The following PIWIL4 variants were observed in gnomAD, a reference collection of about 807,000 sequenced individuals.
The protein encoded by PIWIL4 is piwi-like protein 4.
PIWIL4 carries 50 observed loss-of-function variants against 100.9 expected under a neutral mutation model. The ratio of observed to expected loss-of-function variants is 0.50; its 90% confidence interval spans 0.39 to 0.63. The LOEUF is 0.63. Among genes scored for constraint, PIWIL4 ranks in the 20% least tolerant of loss-of-function variants. The pLI is 0.00. For missense variants in PIWIL4, 887 were observed against 1,043.3 expected (o/e 0.85, Z 2.06); for synonymous variants, 342 against 367.5 (o/e 0.93, Z 0.79).
chr11:94,585,857 C>T (rs971029257), intron 6 of PIWIL4, among the ~76,000 whole-genome samples: 2 of 152,124 alleles, frequency 1.3e-5, no homozygotes, highest in Non-Finnish European at 2.9e-5. Context: ...GAGTGGTTGA[C>T]ATGAAATTGG....
chr11:94,620,418 A>G (rs2135310471), intron 19 of PIWIL4, among the ~76,000 whole-genome samples: 1 of 152,334 alleles, frequency 6.6e-6, no homozygotes, highest in East Asian at 1.9e-4. Flanking sequence ...TATCTTATGC[A>G]AACCTGGGAG....
chr11:94,572,713 C>G (rs1356411266), intron 2 of PIWIL4, among the ~76,000 whole-genome samples: 1 of 152,160 alleles, frequency 6.6e-6, no homozygotes, highest in Non-Finnish European at 1.5e-5. Context: ...AATTTGAAGC[C>G]AGGTAGCGTG....
chr11:94,576,529 G>C (rs746069664), intron 3 of PIWIL4, among the ~76,000 whole-genome samples: 2 of 152,088 alleles, frequency 1.3e-5, no homozygotes, highest in Non-Finnish European at 2.9e-5. Flanking sequence ...TTCTACCCTG[G>C]GGGGAGCTTA....
chr11:94,569,919 A>G (rs1948126809), intron 2 of PIWIL4, among the ~76,000 whole-genome samples: 1 of 152,170 alleles, frequency 6.6e-6, no homozygotes, highest in African/African-American at 2.4e-5. Flanking sequence ...CAATATATCC[A>G]TGTAACAAAA....
intron 10 of PIWIL4, among the ~76,000 whole-genome samples, chr11:94,596,418 A>T (rs555358114): frequency 1.3e-5 from 2 of 152,318 alleles, no homozygotes; most frequent in South Asian, 4.1e-4. Context: ...AATTCAATTA[A>T]TATTAGTAAT....
chr11:94,620,629 C>T (rs946895304), intron 19 of PIWIL4, among the ~76,000 whole-genome samples: 3 of 152,132 alleles, frequency 2.0e-5, no homozygotes, highest in Non-Finnish European at 4.4e-5. Context: ...AGGACAAAGA[C>T]TAGTCTGAAG....
chr11:94,595,374 A>C lies in PIWIL4; in HGVS notation c.1216A>C (p.Ser406Arg). The C allele has an allele frequency of 6.2e-7, 1 of 1,614,074 alleles. No homozygotes were observed. The highest frequency in any genetic ancestry group is 8.5e-7 in the Non-Finnish European group (1 of 1,179,918). Residue 406 changes from serine to arginine, a missense_variant, in exon 10 of 20, where the codon AGT becomes CGT. Coordinates refer to ENST00000299001, the MANE Select transcript of PIWIL4 (RefSeq NM_152431.3). ...GGCTGTGGCTGAAAAGACACGTCTC[A>C]GTCCTTCAGGCCGGCAGCAGCGCCT... ...MKAVAEKTRLSPSGRQQRLAR... is the reference protein window; with the variant it reads ...MKAVAEKTRLRPSGRQQRLAR...
chr11:94,580,347 A>G (rs1948295063), intron 4 of PIWIL4, among the ~76,000 whole-genome samples: 1 of 152,184 alleles, frequency 6.6e-6, no homozygotes, highest in Non-Finnish European at 1.5e-5. Context: ...ATCATCCCCT[A>G]CACATGTCCT....
chr11:94,606,751 T>C (rs1368997743), intron 13 of PIWIL4, among the ~76,000 whole-genome samples: 1 of 151,812 alleles, frequency 6.6e-6, no homozygotes, highest in Admixed American at 6.6e-5. Context: ...CAAGAATCGC[T>C]TGACCCCAGG....
chr11:94,581,051 C>T (rs1245672170), intron 4 of PIWIL4, among the ~76,000 whole-genome samples: 1 of 152,068 alleles, frequency 6.6e-6, no homozygotes, highest in Non-Finnish European at 1.5e-5. Flanking sequence ...AGGCACCTGC[C>T]ACCACACCCG....
chr11:94,577,054 C>T (rs1948247158), intron 3 of PIWIL4, among the ~76,000 whole-genome samples: 1 of 152,302 alleles, frequency 6.6e-6, no homozygotes, highest in South Asian at 2.1e-4. Context: ...ATGTCAGTGT[C>T]TGCTCGTATG....
rs1183613076 is a variant in PIWIL4, at chr11:94,614,289, A to AT, written c.1944-2199dup. On this transcript the variant is annotated intron_variant, in intron 15 of 19. Transcript: ENST00000299001. ...TCCCTTGGTTGTGTCATAGTTCCTG[A>AT]TTTTTCTTTTCTTTTTTTTTTTTTT... is the stretch of plus-strand genomic sequence containing the variant. Among the ~76,000 whole-genome samples, 7 of 96,538 alleles carry AT rather than the reference A, an allele frequency of 7.3e-5. No individual in the cohort carries two copies. In the East Asian group the frequency reaches 1.5e-3, roughly 20 times the overall value. The allele number at this position is 96,538 out of a possible 152,430, so 63.3% of individuals were successfully genotyped here. A position where few individuals can be genotyped will look rare whatever the true frequency, so the allele number is the denominator to read the frequency against.
intron 2 of PIWIL4, among the ~76,000 whole-genome samples, chr11:94,574,584 C>T (rs1439539332): frequency 3.3e-5 from 5 of 152,182 alleles, no homozygotes; most frequent in African/African-American, 1.2e-4. Context: ...ACTGCTACCC[C>T]CACCTTCTGG....
chr11:94,593,587 G>A lies in PIWIL4; in HGVS notation c.1096G>A (p.Asp366Asn). 2 of 1,613,974 alleles carry A rather than the reference G, an allele frequency of 1.2e-6. No homozygotes were observed. Among genetic ancestry groups the A allele is most frequent in the African/African-American group, 1.3e-5 (1 of 75,058 alleles). ...LVSLLKKKRN[D>N]NSEAQLAHLI... ...TAGTCTGTTAAAGAAGAAGAGAAAT[G>A]ACAACAGTGAGGCTCAGCTCGCCCA... Residue 366 changes from aspartate (D) to asparagine (N), a missense_variant, in exon 9 of 20, where the codon GAC becomes AAC. By Grantham distance (23) the Asp-to-Asn change is conservative (BLOSUM62 1). This residue lies in a region of PIWIL4 where 741 missense variants were observed against 930.0 expected (regional missense o/e 0.80). Transcript: ENST00000299001.
Position 94,567,388 on chromosome 11 carries a change from GGTT to G in PIWIL4, c.-128_-126del, listed in dbSNP as rs1329249011. 3 of 794,384 alleles carry G rather than the reference GGTT, an allele frequency of 3.8e-6. No individual in the cohort carries two copies. The highest frequency in any genetic ancestry group is 1.7e-5 in the African/African-American group (1 of 57,260). 49.2% of individuals were successfully genotyped at this position (794,384 alleles called of 1,614,324 possible). ...CGGACGCATTTCCAGCCCCGGCGTT[GGTT>G]GTGGATGCTGGACATCCACCGCCTC... is the stretch of plus-strand genomic sequence containing the variant. On this transcript the variant is annotated 5_prime_UTR_variant, in exon 1 of 20. Transcript: ENST00000299001.
Position 94,595,479 on chromosome 11 carries a change from G to A in PIWIL4, c.1268+53G>A, listed in dbSNP as rs1591792558. 5 of 1,357,522 alleles carry A rather than the reference G, an allele frequency of 3.7e-6. No homozygotes were observed. The East Asian group carries it at 1.2e-4, about 31-fold the overall frequency. The allele number at this position is 1,357,522 out of a possible 1,614,324, so 84.1% of individuals were successfully genotyped here. On this transcript the variant is annotated intron_variant, in intron 10 of 19. Coordinates refer to ENST00000299001, the MANE Select transcript of PIWIL4 (RefSeq NM_152431.3). ...TGGGGCTGAGTTTTTAGTATTAGAT[G>A]GCCTATGTAACACTGATATATTCCT...
At chr11:94,611,526 C>A (rs1591803340) in intron 15 of PIWIL4, among the ~76,000 whole-genome samples, 1 of 152,088 alleles carries the variant, frequency 6.6e-6, no homozygotes, top group East Asian at 1.9e-4. Flanking sequence ...CAATAGTAAG[C>A]TTGATTGATA....
chr11:94,616,686 C>T, intron 16 of PIWIL4, 123 bp downstream of exon 16: 1 of 693,236 alleles, frequency 1.4e-6, no homozygotes, highest in Non-Finnish European at 2.4e-6. Flanking sequence ...TGTCAACTGT[C>T]ACCCAGTTGA....
intron 15 of PIWIL4, among the ~76,000 whole-genome samples, chr11:94,610,637 G>A (rs1046377540): frequency 6.6e-6 from 1 of 152,026 alleles, no homozygotes; most frequent in Admixed American, 6.6e-5. Flanking sequence ...CCATTTATAT[G>A]TCATCTTTGG....
Sources: allele counts gnomAD v4.1 joint callset (sites outside exome capture counted in the v4.1 genomes callset), GRCh38; gene constraint gnomAD v4.1.1; regional missense constraint gnomAD v4.1.1; transcripts MANE v1.5; gene names NCBI Gene and HGNC (gene_info 2026-07-23, HGNC 2026-07-21).